Variants in HMOX2 observed in about 807,000 individuals in gnomAD.
HMOX2 encodes the protein heme oxygenase 2, also known as heme oxygenase (decycling) 2.
Under a neutral mutation model 33.7 loss-of-function variants are expected in HMOX2, and 30 were observed. That is an observed-to-expected ratio of 0.89 (90% CI 0.67 to 1.21). HMOX2 has a LOEUF of 1.21. Among genes scored for constraint, HMOX2 ranks in the 50% most tolerant of loss-of-function variants. The pLI is 0.00. For missense variants in HMOX2, 403 were observed against 399.1 expected (o/e 1.01, Z -0.08); for synonymous variants, 155 against 155.0 (o/e 1.00, Z 0.00).
At chr16:4,505,017 C>T (rs181187740) in intron 1 of HMOX2, among the ~76,000 whole-genome samples, 1 of 152,212 alleles carries the variant, frequency 6.6e-6, no homozygotes, top group African/African-American at 2.4e-5. Flanking sequence ...AAGAATAGTA[C>T]AAAGAACTCT....
intron 1 of HMOX2, among the ~76,000 whole-genome samples, chr16:4,497,075 C>CAA (rs2058440348): frequency 6.6e-6 from 1 of 152,082 alleles, no homozygotes; most frequent in African/African-American, 2.4e-5. Flanking sequence ...TCAGGTTTCC[C>CAA]AAAATGACAG....
At chr16:4,488,484 T>A (rs1011719231) in intron 1 of HMOX2, among the ~76,000 whole-genome samples, 1 of 152,192 alleles carries the variant, frequency 6.6e-6, no homozygotes, top group Non-Finnish European at 1.5e-5. Flanking sequence ...TGGGATTTTT[T>A]ATTTTTTTTT....
chr16:4,502,340 G>A (rs753070019), intron 1 of HMOX2, among the ~76,000 whole-genome samples: 5 of 152,186 alleles, frequency 3.3e-5, no homozygotes, highest in South Asian at 2.1e-4. Context: ...ATTTAATCAC[G>A]TTCCCTATCA....
intron 1 of HMOX2, among the ~76,000 whole-genome samples, chr16:4,483,909 G>T (rs113204534): frequency 1.3e-5 from 2 of 151,700 alleles, no homozygotes; most frequent in Non-Finnish European, 2.9e-5. Flanking sequence ...GCTGCATCCA[G>T]CCTCAAATTT....
rs149812868 is a variant in HMOX2 at position 4,485,943 on chromosome 16, C to T, written c.-42+9456C>T. 9.4e-3 allele frequency among the ~76,000 whole-genome samples: 1,436 copies of T among 152,174 alleles called. 24 individuals are homozygous for T. Among genetic ancestry groups the T allele is most frequent in the African/African-American group, 0.033 (1,375 of 41,520 alleles). On this transcript the variant is annotated intron_variant, in intron 1 of 5. Coordinates refer to ENST00000570646, the MANE Select transcript of HMOX2 (RefSeq NM_002134.4). ...TTCACCATGTTGGCCAGGCTGGTCT[C>T]GAACTCCTGACCTCAGGTGATCCAC...
intron 1 of HMOX2, among the ~76,000 whole-genome samples, chr16:4,503,951 T>C (rs940488886): frequency 2.0e-5 from 3 of 152,214 alleles, no homozygotes; most frequent in Non-Finnish European, 2.9e-5. Flanking sequence ...TGAGTTACTT[T>C]ATTAGTTGTC....
chr16:4,480,130 C>G (rs1221908590), intron 1 of HMOX2, among the ~76,000 whole-genome samples: 1 of 151,946 alleles, frequency 6.6e-6, no homozygotes, highest in Non-Finnish European at 1.5e-5. Context: ...TCACTGCAAT[C>G]TCTGCCTCTG....
At chr16:4,506,791 A>T in intron 2 of HMOX2, 104 bp from the exon 3 acceptor site, 2 of 785,278 alleles carry the variant, frequency 2.5e-6, no homozygotes, top group Non-Finnish European at 4.5e-6. Flanking sequence ...CTCCAGTACA[A>T]CAGGTGGTCA....
rs1044792190 is a variant in HMOX2 at position 4,507,986 on chromosome 16, G to T, written c.478G>T (p.Asp160Tyr). The T allele has an allele frequency of 5.6e-6, 9 of 1,614,038 alleles. No individual in the cohort carries two copies. Among genetic ancestry groups the T allele is most frequent in the African/African-American group, 1.3e-5 (1 of 75,006 alleles). ...CCATGCATACACCCGCTACATGGGG[G>T]ATCTCTCGGGGGGCCAGGTGCTGAA... Reference protein sequence around the residue: ...VAHAYTRYMGDLSGGQVLKKV... With the variant: ...VAHAYTRYMGYLSGGQVLKKV... Residue 160 changes from aspartate to tyrosine, a missense_variant, in exon 4 of 6, where the codon GAT (aspartate) becomes TAT (tyrosine). Coordinates refer to ENST00000570646, the MANE Select transcript of HMOX2 (RefSeq NM_002134.4).
At position 4,508,014 on chromosome 16, in the gene HMOX2, A is replaced by T. The variant is rs758636584; in HGVS notation, c.506A>T (p.Lys169Met). 3.7e-6 allele frequency: 6 copies of T among 1,614,058 alleles called. No individual in the cohort carries two copies. The highest frequency in any genetic ancestry group is 1.7e-5 in the Admixed American group (1 of 60,010). The change falls in exon 4 of 6, where the codon AAG becomes ATG. Residue 169 changes from lysine to methionine, a missense_variant. Physicochemically the swap from Lys to Met is moderately conservative, Grantham distance 95 (BLOSUM62 -1). Coordinates refer to ENST00000570646, the MANE Select transcript of HMOX2 (RefSeq NM_002134.4). ...CTCTCGGGGGGCCAGGTGCTGAAGA[A>T]GGTGGCCCAGCGAGCACTGAAACTC... ...GDLSGGQVLK[K>M]VAQRALKLPS... is the part of the protein sequence containing the mutation.
intron 1 of HMOX2, among the ~76,000 whole-genome samples, chr16:4,491,060 G>A (rs922917869): frequency 2.6e-5 from 4 of 152,168 alleles, no homozygotes; most frequent in Non-Finnish European, 4.4e-5. Context: ...ACATTTCCAC[G>A]TCTCCAAACA....
intron 1 of HMOX2, among the ~76,000 whole-genome samples, chr16:4,485,208 C>G (rs1174967007): frequency 7.9e-5 from 12 of 152,096 alleles, no homozygotes. Context: ...TTAAGTGATT[C>G]ACCCACCTCC....
chr16:4,477,008 A>G (rs2141492353), intron 1 of HMOX2, among the ~76,000 whole-genome samples: 1 of 152,256 alleles, frequency 6.6e-6, no homozygotes, highest in East Asian at 1.9e-4. Flanking sequence ...GGGTGTCGTG[A>G]CTTCACGAGT....
At chr16:4,483,071 G>A (rs2058070918) in intron 1 of HMOX2, among the ~76,000 whole-genome samples, 1 of 151,978 alleles carries the variant, frequency 6.6e-6, no homozygotes, top group Non-Finnish European at 1.5e-5. Context: ...GAGATGTATA[G>A]GGTGAGGCAT....
chr16:4,492,134 C>G (rs959521352), intron 1 of HMOX2, among the ~76,000 whole-genome samples: 1 of 151,862 alleles, frequency 6.6e-6, no homozygotes, highest in African/African-American at 2.4e-5. Context: ...GCTAGGAGTT[C>G]GAGACCAGCC....
intron 1 of HMOX2, among the ~76,000 whole-genome samples, 195 bp from the exon 2 acceptor site, chr16:4,505,289 A>G (rs1237170127): frequency 1.7e-4 from 26 of 152,236 alleles, no homozygotes; most frequent in Non-Finnish European, 5.9e-5. Flanking sequence ...ATTACCTAAT[A>G]CATTGTTCAT....
chr16:4,480,604 C>T (rs533358217), intron 1 of HMOX2, among the ~76,000 whole-genome samples: 1 of 151,200 alleles, frequency 6.6e-6, no homozygotes, highest in South Asian at 2.1e-4. Flanking sequence ...TTTGGCCTCC[C>T]AATTAGAATT....
At chr16:4,500,676 C>A (rs1426571299) in intron 1 of HMOX2, among the ~76,000 whole-genome samples, 4 of 152,172 alleles carry the variant, frequency 2.6e-5, no homozygotes, top group Admixed American at 2.6e-4. Context: ...CACTGAGTTA[C>A]CTGACCTGAA....
chr16:4,507,145 C>T (rs778009681), intron 3 of HMOX2, 133 bp downstream of exon 3: 15 of 693,480 alleles, frequency 2.2e-5, no homozygotes, highest in Admixed American at 1.3e-4. Context: ...TCCTTCTTGA[C>T]GTTAAGCTCT....
Sources: allele counts gnomAD v4.1 joint callset (sites outside exome capture counted in the v4.1 genomes callset), GRCh38; gene constraint gnomAD v4.1.1; transcripts MANE v1.5; gene names NCBI Gene and HGNC (gene_info 2026-07-23, HGNC 2026-07-21).